Variants in SLC36A1 observed in about 807,000 individuals in gnomAD.
The protein encoded by SLC36A1 is solute carrier family 36 member 1, also known as proton-coupled amino acid transporter 1.
Under a neutral mutation model 47.5 loss-of-function variants are expected in SLC36A1, and 30 were observed. The observed-to-expected ratio is 0.63, with a 90% CI of 0.47 to 0.86. The LOEUF is 0.86. Ranked by LOEUF, SLC36A1 falls within the 40% of genes least tolerant of loss-of-function variation. The pLI, the probability that SLC36A1 is intolerant of heterozygous loss-of-function variation, is 0.00. For synonymous variants in SLC36A1, 255 were observed against 249.7 expected, an observed-to-expected ratio of 1.02 and a Z score of -0.20; for missense variants, 517 against 606.0, an observed-to-expected ratio of 0.85 and a Z score of 1.54.
the SLC36A1 span, chr5:151,554,314 T>C: frequency 1.4e-5 from 22 of 1,553,894 alleles, 1 homozygote; most frequent in Non-Finnish European, 6.1e-6. Context: ...AGAAGGCCAC[T>C]AACCAGCATG....
chr5:151,430,499 T>G, the SLC36A1 span, among the ~76,000 whole-genome samples: 1 of 152,070 alleles, frequency 6.6e-6, no homozygotes, highest in African/African-American at 2.4e-5. Flanking sequence ...AATTTTTTTG[T>G]ATTTTTAGTA....
At chr5:151,433,493 G>A (rs1242946471), upstream of SLC36A1, among the ~76,000 whole-genome samples, 4 of 150,114 alleles carry the variant, frequency 2.7e-5, no homozygotes, top group African/African-American at 9.8e-5. Flanking sequence ...GTTTCACCAT[G>A]TTGTCCAGGC....
At chr5:151,450,307 G>A (rs1375556331) in intron 1 of SLC36A1, among the ~76,000 whole-genome samples, 1 of 151,770 alleles carries the variant, frequency 6.6e-6, no homozygotes, top group Non-Finnish European at 1.5e-5. Flanking sequence ...CTAGCATGTG[G>A]GATGGACGGA....
At chr5:151,546,847 G>A in the SLC36A1 span, among the ~76,000 whole-genome samples, 4 of 151,946 alleles carry the variant, frequency 2.6e-5, no homozygotes, top group Non-Finnish European at 5.9e-5. Flanking sequence ...GCCTCTGGTG[G>A]GATTACAGGT....
At chr5:151,385,188 G>C in the SLC36A1 span, among the ~76,000 whole-genome samples, 1 of 152,108 alleles carries the variant, frequency 6.6e-6, no homozygotes, top group Non-Finnish European at 1.5e-5. Context: ...TTAAAAACTG[G>C]AAAAGTTGCA....
In SLC36A1 at chr5:151,473,539, A is replaced by G. The variant is rs1420986038; in HGVS notation, c.724-134A>G. On this transcript the variant is annotated intron_variant, in intron 7 of 10. Transcript: ENST00000243389. Reference sequence around the variant, plus strand: ...GTTAAATGTCCCTAAATCATCTGTCAGGTATTAGACTTTCTTCCTTTAGAG... The same window carrying G: ...GTTAAATGTCCCTAAATCATCTGTCGGGTATTAGACTTTCTTCCTTTAGAG... 6.3e-6 allele frequency: 4 copies of G among 632,118 alleles called. No individual in the cohort carries two copies. The Admixed American group carries it at 7.9e-5, about 13-fold the overall frequency. 39.2% of individuals were successfully genotyped at this position (632,118 alleles called of 1,614,324 possible). A position where few individuals can be genotyped will look rare whatever the true frequency, so the allele number is the denominator to read the frequency against.
intron 10 of SLC36A1, among the ~76,000 whole-genome samples, chr5:151,487,214 A>G (rs1427969260): frequency 6.6e-6 from 1 of 152,166 alleles, no homozygotes; most frequent in African/African-American, 2.4e-5. Context: ...GGGCACTAGG[A>G]TGGGTGTATT....
the SLC36A1 span, among the ~76,000 whole-genome samples, chr5:151,410,778 G>A: frequency 6.9e-6 from 1 of 144,316 alleles, no homozygotes; most frequent in Non-Finnish European, 1.5e-5. Flanking sequence ...GCTATTGTTT[G>A]CATGAGATGC....
chr5:151,474,935 A>G (rs887506646), intron 8 of SLC36A1, among the ~76,000 whole-genome samples: 1 of 152,208 alleles, frequency 6.6e-6, no homozygotes, highest in African/African-American at 2.4e-5. Flanking sequence ...AGCTGTACAC[A>G]TTTTTTGTCA....
intron 1 of SLC36A1, among the ~76,000 whole-genome samples, chr5:151,439,118 GA>G (rs1752471404): frequency 2.2e-5 from 1 of 44,850 alleles, no homozygotes; most frequent in African/African-American, 1.5e-4. Context: ...ATGGCAGCAG[GA>G]GAGAGAGAGA....
intron 4 of SLC36A1, 129 bp from the exon 5 acceptor site, chr5:151,464,945 A>G: frequency 1.4e-6 from 1 of 721,734 alleles, no homozygotes; most frequent in Non-Finnish European, 2.5e-6. Flanking sequence ...CACGAGATAC[A>G]GGACTCAGAG....
chr5:151,550,858 A>G, the SLC36A1 span: 5 of 1,613,114 alleles, frequency 3.1e-6, no homozygotes, highest in South Asian at 5.5e-5. Context: ...GTTGGCAATC[A>G]TGAAGATGTG....
At chr5:151,387,389 G>A in the SLC36A1 span, among the ~76,000 whole-genome samples, 1 of 152,202 alleles carries the variant, frequency 6.6e-6, no homozygotes, top group Non-Finnish European at 1.5e-5. Flanking sequence ...AATTGCTAGA[G>A]AACATAGCAA....
intron 2 of SLC36A1, among the ~76,000 whole-genome samples, chr5:151,461,138 C>T (rs1390786899): frequency 6.7e-6 from 1 of 148,708 alleles, no homozygotes; most frequent in East Asian, 2.0e-4. Context: ...CAGGCATGCT[C>T]CTGGCTACTT....
chr5:151,533,392 C>CAA, the SLC36A1 span, among the ~76,000 whole-genome samples: 3,955 of 116,318 alleles, frequency 0.034, 63 homozygotes, highest in South Asian at 0.053. Context: ...TTGTTATCTC[C>CAA]AACACACACA....
intron 2 of SLC36A1, among the ~76,000 whole-genome samples, chr5:151,462,468 G>A (rs561627536): frequency 3.3e-5 from 5 of 151,078 alleles, no homozygotes; most frequent in Admixed American, 6.6e-5. Flanking sequence ...GGATTCAAGC[G>A]ATTCTTCTGC....
intron 7 of SLC36A1, among the ~76,000 whole-genome samples, chr5:151,470,489 A>G (rs6884262): frequency 0.047 from 7,200 of 152,272 alleles, 538 homozygotes; most frequent in African/African-American, 0.16. Context: ...CTTGAGAGCA[A>G]TTCTGAGTCT....
the SLC36A1 span, among the ~76,000 whole-genome samples, chr5:151,389,633 C>T: frequency 7.0e-6 from 1 of 143,260 alleles, no homozygotes; most frequent in African/African-American, 2.7e-5. Flanking sequence ...TGTTCAATTC[C>T]CACCATTGAG....
the SLC36A1 span, among the ~76,000 whole-genome samples, chr5:151,514,437 T>A: frequency 6.6e-6 from 1 of 152,074 alleles, no homozygotes; most frequent in South Asian, 2.1e-4. Flanking sequence ...ATCTCTTTCT[T>A]ACTTCGTAGA....
Sources: gnomAD v4.1 joint callset for allele counts (sites outside exome capture counted in the v4.1 genomes callset) on GRCh38, gnomAD v4.1.1 for gene constraint, MANE v1.5 for transcripts, NCBI Gene and HGNC (gene_info 2026-07-23, HGNC 2026-07-21) for gene names.